The following LMOD2 variants were observed in gnomAD, a reference collection of about 807,000 sequenced individuals.
LMOD2 encodes leiomodin 2, also known as leiomodin-2.
In LMOD2, 27 loss-of-function variants were observed where a neutral mutation model predicts 41.7. That is an observed-to-expected ratio of 0.65 (90% CI 0.48 to 0.89). LMOD2 has a LOEUF of 0.89. Ranked by LOEUF, LMOD2 falls within the 40% of genes least tolerant of loss-of-function variation. LMOD2 has a pLI of 0.00. For missense variants in LMOD2, 624 were observed against 667.9 expected, an observed-to-expected ratio of 0.93 and a Z score of 0.72; for synonymous variants, 251 against 244.6, an observed-to-expected ratio of 1.03 and a Z score of -0.25.
At position 123,662,566 on chromosome 7, in the gene LMOD2, C is replaced by A. The variant is rs535251089; in HGVS notation, c.980C>A (p.Thr327Lys). The A allele has an allele frequency of 6.2e-7, 1 of 1,613,926 alleles. No individual in the cohort carries two copies. Among genetic ancestry groups the A allele is most frequent in the East Asian group, 2.2e-5 (1 of 44,874 alleles). Residue 327 changes from threonine (T) to lysine (K), a missense_variant, in exon 2 of 3, where the codon ACG becomes AAG. By Grantham distance (78) the Thr-to-Lys change is moderately conservative. Coordinates refer to ENST00000458573, the MANE Select transcript of LMOD2 (RefSeq NM_207163.3). The surrounding 1 kb of genome is among the most constrained non-coding windows in gnomAD (Gnocchi z 4.0). ...GTCAAGCTGCTGAAGGAGAACACGA[C>A]GCTGCTGAGGCTGGGATACCATTTT... is the stretch of plus-strand genomic sequence containing the variant. ...EIVKLLKENT[T>K]LLRLGYHFEL...
In LMOD2 at chr7:123,663,924, G is replaced by A; in HGVS notation, c.*179G>A. 1.7e-6 allele frequency: 1 copy of A among 584,892 alleles called. No individual in the cohort carries two copies. Among genetic ancestry groups the A allele is most frequent in the Non-Finnish European group, 2.9e-6 (1 of 340,912 alleles). 36.2% of individuals were successfully genotyped at this position (584,892 alleles called of 1,614,324 possible). A position where few individuals can be genotyped will look rare whatever the true frequency, so the allele number is the denominator to read the frequency against. ...ATCAGCATGTTTCTTCTGTAAATAT[G>A]AAAATAAATTTCTTTTTTATGTCGT... On this transcript the variant is annotated 3_prime_UTR_variant, in exon 3 of 3. Coordinates refer to ENST00000458573, the MANE Select transcript of LMOD2 (RefSeq NM_207163.3).
intron 1 of LMOD2, among the ~76,000 whole-genome samples, chr7:123,659,198 C>T (rs1802837163): frequency 6.6e-6 from 1 of 152,152 alleles, no homozygotes; most frequent in South Asian, 2.1e-4. Context: ...ACTAACATTC[C>T]CCTTCTCCTT....
rs1306818370 is a variant in LMOD2, at chr7:123,656,056, G to A, written c.93G>A (p.Lys31=). The A allele has an allele frequency of 1.2e-6, 2 of 1,611,946 alleles. No individual in the cohort carries two copies. Among genetic ancestry groups the A allele is most frequent in the Non-Finnish European group, 1.7e-6 (2 of 1,179,130 alleles). The change falls in exon 1 of 3, where the codon AAG becomes AAA. Residue 31 remains lysine, a synonymous_variant. Transcript: ENST00000458573. The part of the protein sequence containing the change: ...LLASLSAEEL[K]ELERELEDIE... ...CCTCCCTGTCAGCCGAGGAGCTGAA[G>A]GAGCTAGAGAGAGAGTTGGAAGACA...
Position 123,663,174 on chromosome 7 carries a change from C to T in LMOD2, c.1588C>T (p.Arg530Trp), listed in dbSNP as rs1394435497. The T allele has an allele frequency of 1.7e-5, 26 of 1,569,646 alleles. No individual in the cohort carries two copies. The highest frequency in any genetic ancestry group is 2.0e-5 in the Non-Finnish European group (23 of 1,157,266). ...SAHENLMEAIRGSSIKQLKRV... is the reference protein window; with the variant it reads ...SAHENLMEAIWGSSIKQLKRV... ...TCATGAGAATCTCATGGAAGCAATT[C>T]GGGGAAGCAGCATAAAACAGCTAAA... Residue 530 changes from arginine (R) to tryptophan (W), a missense_variant, in exon 2 of 3, where the codon CGG becomes TGG. By Grantham distance (101) the Arg-to-Trp change is moderately radical. Transcript: ENST00000458573.
intron 1 of LMOD2, among the ~76,000 whole-genome samples, chr7:123,660,147 C>T (rs1397632349): frequency 2.0e-5 from 3 of 152,138 alleles, no homozygotes; most frequent in Non-Finnish European, 2.9e-5. Flanking sequence ...TCGGGTTAAT[C>T]CATTTGTTTC....
rs748703081 is a variant in LMOD2 at position 123,662,563 on chromosome 7, C to A, written c.977C>A (p.Thr326Lys). 7 of 1,613,900 alleles carry A rather than the reference C, an allele frequency of 4.3e-6. No individual in the cohort carries two copies. The South Asian group carries it at 6.6e-5, about 15-fold the overall frequency. The change falls in exon 2 of 3, where the codon ACG (threonine) becomes AAG (lysine). Residue 326 changes from threonine (T) to lysine (K), a missense_variant. Coordinates refer to ENST00000458573, the MANE Select transcript of LMOD2 (RefSeq NM_207163.3). This position sits in a 1 kb window ranked among gnomAD's most constrained non-coding sequence, Gnocchi z 4.0. ...ATTGTCAAGCTGCTGAAGGAGAACA[C>A]GACGCTGCTGAGGCTGGGATACCAT... The part of the protein sequence containing the change: ...MEIVKLLKEN[T>K]TLLRLGYHFE...
At position 123,662,554 on chromosome 7, in the gene LMOD2, A is replaced by C. The variant is rs755388920; in HGVS notation, c.968A>C (p.Lys323Thr). The C allele has an allele frequency of 3.1e-6, 5 of 1,613,684 alleles. No homozygotes were observed. The African/African-American group carries it at 6.7e-5, about 22-fold the overall frequency. Residue 323 changes from lysine to threonine, a missense_variant, in exon 2 of 3, where the codon AAG becomes ACG. Lys to Thr is a moderately conservative substitution (Grantham distance 78, BLOSUM62 -1). Coordinates refer to ENST00000458573, the MANE Select transcript of LMOD2 (RefSeq NM_207163.3). This position sits in a 1 kb window ranked among gnomAD's most constrained non-coding sequence, Gnocchi z 4.0. ...QVEMEIVKLL[K>T]ENTTLLRLGY... ...GAAATGGAGATTGTCAAGCTGCTGAAGGAGAACACGACGCTGCTGAGGCTG... is the reference window on the plus strand; with the variant it reads ...GAAATGGAGATTGTCAAGCTGCTGACGGAGAACACGACGCTGCTGAGGCTG...
Position 123,663,786 on chromosome 7 carries a change from T to C in LMOD2, c.*41T>C, listed in dbSNP as rs369550385. The C allele has an allele frequency of 7.6e-5, 116 of 1,533,836 alleles. No homozygotes were observed. The highest frequency in any genetic ancestry group is 3.4e-4 in the Middle Eastern group (2 of 5,962). ...AAGAGGATGCAGAACTGTTCAGTGG[T>C]ATTACATGAAATGCATTGTGAGATG... On this transcript the variant is annotated 3_prime_UTR_variant, in exon 3 of 3. Transcript: ENST00000458573.
Position 123,662,395 on chromosome 7 carries a change from T to A in LMOD2, c.809T>A (p.Ile270Asn), listed in dbSNP as rs765163778. 1 of 1,613,908 alleles carries A rather than the reference T, an allele frequency of 6.2e-7. No individual in the cohort carries two copies. Among genetic ancestry groups the A allele is most frequent in the African/African-American group, 1.3e-5 (1 of 75,022 alleles). ...GAGATGCTCAAAGTCAATGAGCACA[T>A]CACCAACGTAAACGTCGAGTCCAAC... ...IAEMLKVNEH[I>N]TNVNVESNFI... Residue 270 changes from isoleucine to asparagine, a missense_variant, in exon 2 of 3, where the codon ATC becomes AAC. Coordinates refer to ENST00000458573, the MANE Select transcript of LMOD2 (RefSeq NM_207163.3). The surrounding 1 kb of genome is among the most constrained non-coding windows in gnomAD (Gnocchi z 4.0).
At chr7:123,659,529 A>G (rs980754216) in intron 1 of LMOD2, among the ~76,000 whole-genome samples, 4 of 152,184 alleles carry the variant, frequency 2.6e-5, no homozygotes, top group African/African-American at 9.7e-5. Context: ...CACTCAGGCA[A>G]ACTGGGAGGG....
rs368441683 is a variant in LMOD2 at position 123,662,824 on chromosome 7, G to A, written c.1238G>A (p.Arg413His). ...LPKKVQTVRS[R>H]PLSPVATPPP... is the part of the protein sequence containing the mutation. ...AAAAAAGTCCAGACTGTGAGGAGCC[G>A]TCCTCTGTCTCCTGTGGCCACACCT... is the stretch of plus-strand genomic sequence containing the variant. Residue 413 changes from arginine (R) to histidine (H), a missense_variant, in exon 2 of 3, where the codon CGT becomes CAT. Transcript: ENST00000458573. The surrounding 1 kb of genome is among the most constrained non-coding windows in gnomAD (Gnocchi z 4.0). 128 of 1,612,314 alleles carry A rather than the reference G, an allele frequency of 7.9e-5. No homozygotes were observed. Among genetic ancestry groups the A allele is most frequent in the East Asian group, 5.6e-4 (25 of 44,806 alleles).
chr7:123,663,338 C>T (rs1802921972), intron 2 of LMOD2, 135 bp downstream of exon 2: 1 of 1,145,228 alleles, frequency 8.7e-7, no homozygotes, highest in Admixed American at 2.9e-5. Flanking sequence ...AGCAAACACA[C>T]CAAGTTTGAA....
chr7:123,656,053 G>A lies in LMOD2; in HGVS notation c.90G>A (p.Leu30=), dbSNP rs1239089431. Residue 30 remains leucine, a synonymous_variant, in exon 1 of 3, where the codon CTG becomes CTA. Coordinates refer to ENST00000458573, the MANE Select transcript of LMOD2 (RefSeq NM_207163.3). ...TCGCCTCCCTGTCAGCCGAGGAGCT[G>A]AAGGAGCTAGAGAGAGAGTTGGAAG... The part of the protein sequence containing the change: ...ELLASLSAEE[L]KELERELEDI... 1.9e-6 allele frequency: 3 copies of A among 1,611,622 alleles called. No homozygotes were observed. Among genetic ancestry groups the A allele is most frequent in the Non-Finnish European group, 2.5e-6 (3 of 1,179,018 alleles).
At position 123,656,026 on chromosome 7, in the gene LMOD2, C is replaced by A; in HGVS notation, c.63C>A (p.Leu21=). The A allele has an allele frequency of 1.9e-6, 3 of 1,610,152 alleles. No homozygotes were observed. The highest frequency in any genetic ancestry group is 2.5e-6 in the Non-Finnish European group (3 of 1,178,390). Residue 21 remains leucine, a synonymous_variant, in exon 1 of 3, where the codon CTC becomes CTA. Coordinates refer to ENST00000458573, the MANE Select transcript of LMOD2 (RefSeq NM_207163.3). ...SKYESIDEDE[L]LASLSAEELK... Reference sequence around the variant, plus strand: ...ACGAATCCATCGACGAGGATGAACTCCTCGCCTCCCTGTCAGCCGAGGAGC... The same window carrying A: ...ACGAATCCATCGACGAGGATGAACTACTCGCCTCCCTGTCAGCCGAGGAGC...
At chr7:123,661,588 T>C (rs1802874512) in intron 1 of LMOD2, among the ~76,000 whole-genome samples, 1 of 152,184 alleles carries the variant, frequency 6.6e-6, no homozygotes, top group African/African-American at 2.4e-5. Context: ...TTGTTCAAAT[T>C]AGCAAAATGA....
Position 123,661,433 on chromosome 7 carries a change from A to G in LMOD2, c.274-427A>G, listed in dbSNP as rs1175379313. 7.9e-5 allele frequency among the ~76,000 whole-genome samples: 12 copies of G among 152,220 alleles called. No individual in the cohort carries two copies. The South Asian group carries it at 1.4e-3, about 18-fold the overall frequency. On this transcript the variant is annotated intron_variant, in intron 1 of 2. Transcript: ENST00000458573. ...GTTGTCATTTGATTGCTTGAGATGGAGAAATAAGAAAGAACAGAGTGATTC... is the reference window on the plus strand; with the variant it reads ...GTTGTCATTTGATTGCTTGAGATGGGGAAATAAGAAAGAACAGAGTGATTC...
intron 1 of LMOD2, among the ~76,000 whole-genome samples, chr7:123,657,991 T>TAAAA (rs10693592): frequency 1.2e-4 from 11 of 90,564 alleles, no homozygotes; most frequent in Non-Finnish European, 1.4e-4. Flanking sequence ...CTTGTCTCAT[T>TAAAA]AAAAAAAAAA....
At chr7:123,659,016 T>G (rs538403383) in intron 1 of LMOD2, among the ~76,000 whole-genome samples, 1 of 152,314 alleles carries the variant, frequency 6.6e-6, no homozygotes, top group Non-Finnish European at 1.5e-5. Flanking sequence ...GTATAACTTT[T>G]GACTCCCCCA....
Position 123,655,980 on chromosome 7 carries a change from A to G in LMOD2, c.17A>G (p.Tyr6Cys), listed in dbSNP as rs1311429937. The G allele has an allele frequency of 1.2e-6, 2 of 1,607,042 alleles. No homozygotes were observed. The highest frequency in any genetic ancestry group is 1.7e-6 in the Non-Finnish European group (2 of 1,177,406). MSTFG[Y>C]RRGLSKYESI... Reference sequence around the variant, plus strand: ...GCAGGGACCATGTCTACCTTTGGCTACCGAAGAGGACTCAGTAAATACGAA... The same window carrying G: ...GCAGGGACCATGTCTACCTTTGGCTGCCGAAGAGGACTCAGTAAATACGAA... The change falls in exon 1 of 3, where the codon TAC (tyrosine) becomes TGC (cysteine). Residue 6 changes from tyrosine to cysteine, a missense_variant. Coordinates refer to ENST00000458573, the MANE Select transcript of LMOD2 (RefSeq NM_207163.3).
Sources: allele counts gnomAD v4.1 joint callset (sites outside exome capture counted in the v4.1 genomes callset), GRCh38; gene constraint gnomAD v4.1.1; non-coding constraint Gnocchi (gnomAD v3.1); transcripts MANE v1.5; gene names NCBI Gene and HGNC (gene_info 2026-07-23, HGNC 2026-07-21).